ZFAND3: variants seen among roughly 807,000 people sequenced by gnomAD.
ZFAND3 encodes the protein AN1-type zinc finger protein 3.
In ZFAND3, 10 loss-of-function variants were observed where a neutral mutation model predicts 29.6. The ratio of observed to expected loss-of-function variants is 0.34; its 90% CI spans 0.21 to 0.57. ZFAND3 has a LOEUF of 0.57. Among genes scored for constraint, ZFAND3 ranks in the 20% least tolerant of loss-of-function variants. ZFAND3 has a pLI of 0.86. For synonymous variants in ZFAND3, 128 were observed against 112.6 expected, an observed-to-expected ratio of 1.14 and a Z score of -0.87; for missense variants, 230 against 304.5, an observed-to-expected ratio of 0.76 and a Z score of 1.82.
At chr6:38,141,498 T>C (rs1024663775) in intron 5 of ZFAND3, among the ~76,000 whole-genome samples, 11 of 152,246 alleles carry the variant, frequency 7.2e-5, no homozygotes, top group African/African-American at 2.7e-4. Flanking sequence ...GGCTGCACTA[T>C]ATAGTCTTTG....
At chr6:37,927,070 A>G (rs1030952366) in intron 1 of ZFAND3, among the ~76,000 whole-genome samples, 3 of 152,218 alleles carry the variant, frequency 2.0e-5, no homozygotes, top group Admixed American at 6.5e-5. Context: ...TATTTCTTTT[A>G]TAACCTGATT....
intron 1 of ZFAND3, among the ~76,000 whole-genome samples, chr6:37,896,003 C>T (rs1238184003): frequency 1.3e-5 from 2 of 152,162 alleles, no homozygotes; most frequent in Non-Finnish European, 2.9e-5. Flanking sequence ...TAAGCTATGG[C>T]ATTTGTTCCC....
At chr6:37,917,434 G>A (rs564188976) in intron 1 of ZFAND3, among the ~76,000 whole-genome samples, 1 of 152,260 alleles carries the variant, frequency 6.6e-6, no homozygotes, top group East Asian at 1.9e-4. Context: ...AACAGTGGGA[G>A]GAAATATGTG....
chr6:38,023,260 T>TAAA (rs1763383998), intron 2 of ZFAND3, among the ~76,000 whole-genome samples: 1 of 152,222 alleles, frequency 6.6e-6, no homozygotes. Context: ...CATGTGTGTG[T>TAAA]AATATGTATT....
At chr6:37,911,244 G>A (rs192806815) in intron 1 of ZFAND3, among the ~76,000 whole-genome samples, 2 of 152,208 alleles carry the variant, frequency 1.3e-5, no homozygotes, top group Admixed American at 6.5e-5. Flanking sequence ...CAGGAGTGAG[G>A]TGATAACTAT....
intron 2 of ZFAND3, among the ~76,000 whole-genome samples, chr6:37,985,116 G>A (rs2127433794): frequency 6.6e-6 from 1 of 152,166 alleles, no homozygotes; most frequent in East Asian, 1.9e-4. Flanking sequence ...TGAGCATCAG[G>A]TATGTAAGGC....
intron 1 of ZFAND3, among the ~76,000 whole-genome samples, chr6:37,870,207 C>A (rs143218888): frequency 6.8e-6 from 1 of 146,286 alleles, no homozygotes; most frequent in Non-Finnish European, 1.5e-5. Context: ...TGTTTGTGAG[C>A]CCGATGTGGG....
Position 37,976,584 on chromosome 6 carries a change from CAA to C in ZFAND3, c.112+46606_112+46607del, listed in dbSNP as rs35783371. ...GTGTAACAGAGTGAGACACTGTCTCCAAAAAAAAAAAAAAAAAAAAAAGATAC... is the reference window on the plus strand; with the variant it reads ...GTGTAACAGAGTGAGACACTGTCTCCAAAAAAAAAAAAAAAAAAAAGATAC... On this transcript the variant is annotated intron_variant, in intron 2 of 5. Transcript: ENST00000287218. Among the ~76,000 whole-genome samples, 331 of 76,882 alleles carry C rather than the reference CAA, an allele frequency of 4.3e-3. 2 individuals are homozygous for C. Among genetic ancestry groups the C allele is most frequent in the African/African-American group, 0.016 (294 of 18,308 alleles). 50.4% of individuals were successfully genotyped at this position (76,882 alleles called of 152,430 possible). A position where few individuals can be genotyped will look rare whatever the true frequency, so the allele number is the denominator to read the frequency against.
chr6:38,121,170 G>A (rs1221771699), intron 5 of ZFAND3, among the ~76,000 whole-genome samples: 4 of 152,098 alleles, frequency 2.6e-5, no homozygotes, highest in African/African-American at 4.8e-5. Context: ...CTTGTTGCCC[G>A]TCTCTATTTT....
intron 1 of ZFAND3, among the ~76,000 whole-genome samples, chr6:37,838,070 T>C (rs1171248821): frequency 4.6e-5 from 7 of 152,208 alleles, no homozygotes; most frequent in African/African-American, 1.7e-4. Context: ...GTGCTACATT[T>C]GTAGACAAGG....
At chr6:38,139,394 A>G (rs1765903447) in intron 5 of ZFAND3, among the ~76,000 whole-genome samples, 1 of 152,178 alleles carries the variant, frequency 6.6e-6, no homozygotes. Context: ...AACAAATTCC[A>G]CAAATGACGC....
At chr6:38,147,816 AT>A (rs557670164) in intron 5 of ZFAND3, among the ~76,000 whole-genome samples, 22 of 149,250 alleles carry the variant, frequency 1.5e-4, no homozygotes, top group African/African-American at 3.7e-4. Flanking sequence ...TTTTAATAGG[AT>A]TTTTTTTTTC....
chr6:38,036,779 C>G (rs1763665812), intron 2 of ZFAND3, among the ~76,000 whole-genome samples: 1 of 151,838 alleles, frequency 6.6e-6, no homozygotes, highest in Non-Finnish European at 1.5e-5. Flanking sequence ...AAATCTTTTT[C>G]TTTCAAAAAT....
chr6:37,952,531 T>C (rs920771496), intron 2 of ZFAND3, among the ~76,000 whole-genome samples: 6 of 152,172 alleles, frequency 3.9e-5, no homozygotes, highest in African/African-American at 1.4e-4. Context: ...TTTTTTTAAA[T>C]TTCTGTGAGG....
At chr6:37,913,640 GA>G (rs1445422801) in intron 1 of ZFAND3, among the ~76,000 whole-genome samples, 1 of 151,278 alleles carries the variant, frequency 6.6e-6, no homozygotes, top group African/African-American at 2.4e-5. Flanking sequence ...AGGGCAACTA[GA>G]ATGGTCAGTC....
In ZFAND3 at chr6:38,083,052, C is replaced by G. The variant is rs558511046; in HGVS notation, c.361+595C>G. 7.2e-5 allele frequency among the ~76,000 whole-genome samples: 11 copies of G among 152,154 alleles called. 1 individual carries two copies. The highest frequency in any genetic ancestry group is 3.3e-4 in the Admixed American group (5 of 15,288). On this transcript the variant is annotated intron_variant, in intron 4 of 5. Transcript: ENST00000287218. ...CGCCTGTAGCTTAATTTATTTTAAG[C>G]GATATTTGCCTTTTCTAATAATGCT...
intron 2 of ZFAND3, among the ~76,000 whole-genome samples, chr6:37,978,092 C>A (rs770283132): frequency 6.6e-6 from 1 of 151,930 alleles, no homozygotes; most frequent in Non-Finnish European, 1.5e-5. Flanking sequence ...ACCTCTATGG[C>A]TGGCTAATTT....
In ZFAND3 at chr6:38,153,400, TGTC is replaced by T; in HGVS notation, c.*1014_*1016del. On this transcript the variant is annotated 3_prime_UTR_variant, in exon 6 of 6. Transcript: ENST00000287218. ...GTGCCTCCAGGGGCCAAGAGGATGA[TGTC>T]GTGGCCTCCATTCTCGTTTCTATGC... 2 of 985,472 alleles carry T rather than the reference TGTC, an allele frequency of 2.0e-6. No homozygotes were observed. Among genetic ancestry groups the T allele is most frequent in the Non-Finnish European group, 2.4e-6 (2 of 829,950 alleles). 61.0% of individuals were successfully genotyped at this position (985,472 alleles called of 1,614,324 possible).
chr6:37,917,127 A>G (rs558916375), intron 1 of ZFAND3, among the ~76,000 whole-genome samples: 19 of 152,338 alleles, frequency 1.2e-4, no homozygotes, highest in African/African-American at 3.8e-4. Flanking sequence ...ATCTGTTTGT[A>G]TAGGAAGAAC....
Sources: gnomAD v4.1 joint callset for allele counts (sites outside exome capture counted in the v4.1 genomes callset) on GRCh38, gnomAD v4.1.1 for gene constraint, MANE v1.5 for transcripts, NCBI Gene and HGNC (gene_info 2026-07-23, HGNC 2026-07-21) for gene names.